The following PDZRN4 variants were observed in gnomAD, a reference collection of about 807,000 sequenced individuals.
PDZRN4 encodes PDZ domain containing ring finger 4.
Under a neutral mutation model 99.0 loss-of-function variants are expected in PDZRN4, and 70 were observed. That is an observed-to-expected ratio of 0.71 (90% confidence interval 0.58 to 0.86). The LOEUF (loss-of-function observed/expected upper bound fraction) is 0.86. PDZRN4 is among the 40% of genes least tolerant of loss of function. PDZRN4 has a pLI of 0.00. For missense variants in PDZRN4, 1,474 were observed against 1,331.2 expected (o/e 1.11, Z -1.67); for synonymous variants, 551 against 501.6 (o/e 1.10, Z -1.32).
In PDZRN4 at chr12:41,189,021, C is replaced by A; in HGVS notation, c.566C>A (p.Ala189Glu). Reference protein sequence around the residue: ...WALQGEVQLTARRYQEKFTQY... With the variant: ...WALQGEVQLTERRYQEKFTQY... Reference sequence around the variant, plus strand: ...CTGCAGGGCGAGGTGCAGCTCACGGCGCGCAGGTACCAGGAGAAGTTCACC... The same window carrying A: ...CTGCAGGGCGAGGTGCAGCTCACGGAGCGCAGGTACCAGGAGAAGTTCACC... Residue 189 changes from alanine to glutamate, a missense_variant, in exon 1 of 10, where the codon GCG becomes GAG. Ala to Glu is a moderately radical substitution (Grantham distance 107). Coordinates refer to ENST00000402685, the MANE Select transcript of PDZRN4 (RefSeq NM_001164595.2). 1.3e-6 allele frequency: 2 copies of A among 1,560,734 alleles called. No individual in the cohort carries two copies. Among genetic ancestry groups the A allele is most frequent in the South Asian group, 1.2e-5 (1 of 85,700 alleles).
rs1379677259 is a variant in PDZRN4, at chr12:41,262,157, A to G, written c.843+67969A>G. ...TTCCCTAAATTAGCGTCTTCTCCAA[A>G]ACGAGGACTTCTGGAACTCTTTTTC... On this transcript the variant is annotated intron_variant, in intron 3 of 9. Coordinates refer to ENST00000402685, the MANE Select transcript of PDZRN4 (RefSeq NM_001164595.2). 3.3e-5 allele frequency among the ~76,000 whole-genome samples: 5 copies of G among 152,262 alleles called. No individual in the cohort carries two copies. The East Asian group carries it at 9.6e-4, about 29-fold the overall frequency.
chr12:41,506,065 T>G (rs1187984423), intron 3 of PDZRN4, among the ~76,000 whole-genome samples: 1 of 152,156 alleles, frequency 6.6e-6, no homozygotes, highest in Non-Finnish European at 1.5e-5. Flanking sequence ...AAGTAAGACC[T>G]TGATTAAATA....
chr12:41,199,448 G>A (rs1346957646), intron 3 of PDZRN4, among the ~76,000 whole-genome samples: 2 of 152,084 alleles, frequency 1.3e-5, no homozygotes, highest in Non-Finnish European at 2.9e-5. Context: ...AAACACTATG[G>A]CGACTTCCCA....
rs529315107 is a variant in PDZRN4, at chr12:41,359,180, AT to A, written c.844-147267del. On this transcript the variant is annotated intron_variant, in intron 3 of 9. Coordinates refer to ENST00000402685, the MANE Select transcript of PDZRN4 (RefSeq NM_001164595.2). ...CATTTTCAATCACCAAACTTCTAAC[AT>A]TTTTTTTTATTCTTAGAAGGAAAGA... is the stretch of plus-strand genomic sequence containing the variant. Among the ~76,000 whole-genome samples, 23 of 150,926 alleles carry A rather than the reference AT, an allele frequency of 1.5e-4. 1 individual carries two copies. In the East Asian group the frequency reaches 1.9e-3, roughly 13 times the overall value.
chr12:41,515,363 C>T (rs571604264), intron 5 of PDZRN4, among the ~76,000 whole-genome samples: 4 of 152,114 alleles, frequency 2.6e-5, no homozygotes, highest in Non-Finnish European at 4.4e-5. Flanking sequence ...TTGTTAGTCA[C>T]ATTTTAGAAT....
chr12:41,288,941 G>C (rs981957254), intron 3 of PDZRN4, among the ~76,000 whole-genome samples: 1 of 151,652 alleles, frequency 6.6e-6, no homozygotes, highest in Non-Finnish European at 1.5e-5. Context: ...CACTCTTTTG[G>C]CTGAGAATAC....
intron 3 of PDZRN4, among the ~76,000 whole-genome samples, chr12:41,403,791 G>T (rs563703840): frequency 6.6e-6 from 1 of 152,112 alleles, no homozygotes; most frequent in South Asian, 2.1e-4. Context: ...CAAAATATTT[G>T]TTAATTACTT....
At chr12:41,555,879 A>C in intron 7 of PDZRN4, 119 bp downstream of exon 7, 1 of 785,592 alleles carries the variant, frequency 1.3e-6, no homozygotes, top group Non-Finnish European at 2.1e-6. Flanking sequence ...ACTAACATCT[A>C]CAAAACCAAA....
At chr12:41,258,354 A>G (rs754281117) in intron 3 of PDZRN4, among the ~76,000 whole-genome samples, 2 of 152,290 alleles carry the variant, frequency 1.3e-5, no homozygotes, top group East Asian at 1.9e-4. Context: ...GGAGGAAAGG[A>G]GAGAACGAGA....
intron 6 of PDZRN4, among the ~76,000 whole-genome samples, chr12:41,555,230 C>CA (rs1171846086): frequency 1.5e-3 from 32 of 21,124 alleles, no homozygotes; most frequent in Non-Finnish European, 4.0e-3. Context: ...GACTCTGTCT[C>CA]AAAAAAAAAA....
At position 41,506,642 on chromosome 12, in the gene PDZRN4, A is replaced by C. The variant is rs778241835; in HGVS notation, c.1030A>C (p.Met344Leu). Residue 344 changes from methionine to leucine, a missense_variant, in exon 4 of 10, where the codon ATG (methionine) becomes CTG (leucine). Coordinates refer to ENST00000402685, the MANE Select transcript of PDZRN4 (RefSeq NM_001164595.2). ...GACGGACATCACCTTCGAACACATC[A>C]TGGCTCTGGCCAAGCTTCGTCCACC... Reference protein sequence around the residue: ...TQTDITFEHIMALAKLRPPTP... With the variant: ...TQTDITFEHILALAKLRPPTP... 1.2e-6 allele frequency: 2 copies of C among 1,613,860 alleles called. No homozygotes were observed. The highest frequency in any genetic ancestry group is 1.1e-5 in the South Asian group (1 of 91,066).
intron 3 of PDZRN4, among the ~76,000 whole-genome samples, chr12:41,279,726 AGAC>A (rs1430913098): frequency 1.3e-5 from 2 of 152,212 alleles, no homozygotes; most frequent in African/African-American, 4.8e-5. Context: ...AGAGGGAAGA[AGAC>A]ATGGGTTGAA....
At chr12:41,458,006 T>G (rs1335961736) in intron 3 of PDZRN4, among the ~76,000 whole-genome samples, 3 of 152,146 alleles carry the variant, frequency 2.0e-5, no homozygotes, top group African/African-American at 7.2e-5. Flanking sequence ...GGAATTGGAC[T>G]AAGGGGACCA....
chr12:41,367,645 G>C (rs563227005), intron 3 of PDZRN4, among the ~76,000 whole-genome samples: 2 of 152,128 alleles, frequency 1.3e-5, no homozygotes, highest in Non-Finnish European at 2.9e-5. Context: ...CAAGATGAGA[G>C]CTTCTTGTTA....
At chr12:41,448,336 T>C (rs1457409026) in intron 3 of PDZRN4, among the ~76,000 whole-genome samples, 1 of 152,118 alleles carries the variant, frequency 6.6e-6, no homozygotes, top group Non-Finnish European at 1.5e-5. Flanking sequence ...CTTTCCCACC[T>C]CTCCTTCCTC....
chr12:41,563,679 T>C, intron 8 of PDZRN4, 30 bp downstream of exon 8: 1 of 1,414,038 alleles, frequency 7.1e-7, no homozygotes. Flanking sequence ...GCCTTGAGAC[T>C]GAACTTTATA....
intron 5 of PDZRN4, among the ~76,000 whole-genome samples, chr12:41,517,860 T>C (rs535324274): frequency 6.6e-6 from 1 of 152,180 alleles, no homozygotes; most frequent in East Asian, 1.9e-4. Flanking sequence ...GTAGTAACCA[T>C]ATATCTCAAC....
At chr12:41,428,135 A>C (rs1952553577) in intron 3 of PDZRN4, among the ~76,000 whole-genome samples, 1 of 152,074 alleles carries the variant, frequency 6.6e-6, no homozygotes, top group Non-Finnish European at 1.5e-5. Context: ...TTTACTTCCT[A>C]TCCCACTACC....
At chr12:41,380,144 G>C (rs920303524) in intron 3 of PDZRN4, among the ~76,000 whole-genome samples, 1 of 151,626 alleles carries the variant, frequency 6.6e-6, no homozygotes, top group African/African-American at 2.4e-5. Context: ...TATCTTCTCC[G>C]ATGTAAATTT....
Sources: allele counts gnomAD v4.1 joint callset (sites outside exome capture counted in the v4.1 genomes callset), GRCh38; gene constraint gnomAD v4.1.1; transcripts MANE v1.5; gene names NCBI Gene and HGNC (gene_info 2026-07-23, HGNC 2026-07-21).